The following SULT4A1 variants were observed in gnomAD, a reference collection of about 807,000 sequenced individuals.
SULT4A1 encodes sulfotransferase family 4A member 1.
Under a neutral mutation model 35.2 loss-of-function variants are expected in SULT4A1, and 11 were observed. The observed-to-expected ratio is 0.31, with a 90% confidence interval of 0.20 to 0.52. The LOEUF is 0.52. Ranked by LOEUF, SULT4A1 falls within the 20% of genes least tolerant of loss-of-function variation. The pLI, the probability that SULT4A1 is intolerant of heterozygous loss-of-function variation, is 0.97. For synonymous variants in SULT4A1, 152 were observed against 151.8 expected, an observed-to-expected ratio of 1.00 and a Z score of -0.01; for missense variants, 271 against 383.7, an observed-to-expected ratio of 0.71 and a Z score of 2.45.
chr22:43,837,126 T>C (rs1430603911), intron 4 of SULT4A1, among the ~76,000 whole-genome samples: 1 of 152,222 alleles, frequency 6.6e-6, no homozygotes, highest in Non-Finnish European at 1.5e-5. Context: ...GTTTCCACCG[T>C]CTTCAGGACA....
intron 1 of SULT4A1, among the ~76,000 whole-genome samples, chr22:43,846,840 C>T (rs948219082): frequency 6.6e-5 from 10 of 152,230 alleles, no homozygotes; most frequent in Admixed American, 4.6e-4. Flanking sequence ...CTGTGGGCAG[C>T]GTCCCTGAAA....
In SULT4A1 at chr22:43,842,055, T is replaced by G. The variant is rs1821204191; in HGVS notation, c.170-123A>C. ...AGCCCCAGGTGGGGCCCAGGGCGAC[T>G]GAGTCTGGGAAGAGGAGCGCGCCCC... On this transcript the variant is annotated intron_variant, in intron 1 of 6. Transcript: ENST00000330884. 6 of 1,423,772 alleles carry G rather than the reference T, an allele frequency of 4.2e-6. No homozygotes were observed. In the Admixed American group the frequency reaches 7.7e-5, roughly 18 times the overall value. The allele number at this position is 1,423,772 out of a possible 1,614,324, so 88.2% of individuals were successfully genotyped here.
chr22:43,861,525 T>C (rs1489679123), intron 1 of SULT4A1, among the ~76,000 whole-genome samples: 1 of 152,220 alleles, frequency 6.6e-6, no homozygotes, highest in African/African-American at 2.4e-5. Context: ...TTCCCCTCTC[T>C]GAGCCTCTGT....
intron 5 of SULT4A1, among the ~76,000 whole-genome samples, chr22:43,830,576 G>A (rs556802925): frequency 3.3e-5 from 5 of 152,368 alleles, no homozygotes; most frequent in East Asian, 3.9e-4. Flanking sequence ...GCAAGAGGCC[G>A]CACACCACGG....
chr22:43,833,427 G>A (rs1416165740), intron 5 of SULT4A1, among the ~76,000 whole-genome samples: 10 of 150,612 alleles, frequency 6.6e-5, no homozygotes, highest in Admixed American at 1.3e-4. Flanking sequence ...AGCCTCGCAC[G>A]GCATGGCTGC....
intron 1 of SULT4A1, among the ~76,000 whole-genome samples, chr22:43,854,876 C>T (rs1010380500): frequency 4.6e-5 from 7 of 152,304 alleles, no homozygotes; most frequent in East Asian, 1.9e-4. Flanking sequence ...CTCTCTAGTA[C>T]GAAAGCACAC....
At chr22:43,841,141 A>C (rs1367576927) in intron 2 of SULT4A1, among the ~76,000 whole-genome samples, 1 of 152,252 alleles carries the variant, frequency 6.6e-6, no homozygotes, top group Non-Finnish European at 1.5e-5. Context: ...CAAGGAGAGC[A>C]AAATGGCCGT....
intron 6 of SULT4A1, chr22:43,826,872 T>TA: frequency 1.0e-6 from 1 of 985,412 alleles, no homozygotes; most frequent in South Asian, 4.7e-5. Flanking sequence ...AGCCCAGGCT[T>TA]AGTCAGAAAC....
At chr22:43,845,316 G>C (rs1385719075) in intron 1 of SULT4A1, among the ~76,000 whole-genome samples, 1 of 152,104 alleles carries the variant, frequency 6.6e-6, no homozygotes, top group Non-Finnish European at 1.5e-5. Flanking sequence ...ACCAACTCCA[G>C]TACCTCACCC....
chr22:43,838,850 C>G lies in SULT4A1; in HGVS notation c.508+17G>C. ...GACGGCTCCGGTTCTAACATGCCGC[C>G]AGGCTGCAACACTCACGCTTATCAT... is the stretch of plus-strand genomic sequence containing the variant. On this transcript the variant is annotated intron_variant, in intron 4 of 6. Transcript: ENST00000330884. The G allele has an allele frequency of 1.2e-6, 2 of 1,613,688 alleles. No homozygotes were observed. The highest frequency in any genetic ancestry group is 1.7e-6 in the Non-Finnish European group (2 of 1,179,774).
chr22:43,839,137 C>CCCAGCAGCCGTGCACAT, intron 3 of SULT4A1, 144 bp from the exon 4 acceptor site: 1 of 1,120,764 alleles, frequency 8.9e-7, no homozygotes, highest in Non-Finnish European at 1.3e-6. Flanking sequence ...CCCATGTGCA[C>CCCAGCAGCCGTGCACAT]GGCTGCTGGG....
At position 43,862,438 on chromosome 22, in the gene SULT4A1, CG is replaced by C; in HGVS notation, c.-57del. Reference sequence around the variant, plus strand: ...TCCCGGCTCGCAGCCCGCACGCGCCCGCGCCCGCGCCCGCGCCCGCGCCCCG... The same window carrying C: ...TCCCGGCTCGCAGCCCGCACGCGCCCCGCCCGCGCCCGCGCCCGCGCCCCG... On this transcript the variant is annotated 5_prime_UTR_variant, in exon 1 of 7. Transcript: ENST00000330884. 2 of 885,906 alleles carry C rather than the reference CG, an allele frequency of 2.3e-6. No homozygotes were observed. Among genetic ancestry groups the C allele is most frequent in the Non-Finnish European group, 2.6e-6 (2 of 768,644 alleles). 54.9% of individuals were successfully genotyped at this position (885,906 alleles called of 1,614,324 possible).
intron 2 of SULT4A1, among the ~76,000 whole-genome samples, 167 bp from the exon 3 acceptor site, chr22:43,840,192 C>T (rs1028022576): frequency 3.9e-5 from 5 of 129,118 alleles, no homozygotes; most frequent in Non-Finnish European, 7.9e-5. Context: ...GTCAGGAGAG[C>T]GTCAGGTAAG....
chr22:43,852,597 C>T (rs75163079), intron 1 of SULT4A1, among the ~76,000 whole-genome samples: 3,311 of 152,150 alleles, frequency 0.022, 129 homozygotes, highest in African/African-American at 0.077. Flanking sequence ...TGCTCCCCAC[C>T]TCCAAAAGGA....
chr22:43,843,582 A>G (rs970276669), intron 1 of SULT4A1, among the ~76,000 whole-genome samples: 3 of 152,222 alleles, frequency 2.0e-5, no homozygotes, highest in Non-Finnish European at 2.9e-5. Flanking sequence ...GTCCAGTCCC[A>G]TTTCTACATG....
In SULT4A1 at chr22:43,834,025, C is replaced by T. The variant is rs138026362; in HGVS notation, c.509-291G>A. 1.4e-4 allele frequency among the ~76,000 whole-genome samples: 21 copies of T among 152,268 alleles called. No homozygotes were observed. The East Asian group carries it at 2.9e-3, about 21-fold the overall frequency. On this transcript the variant is annotated intron_variant, in intron 4 of 6. Coordinates refer to ENST00000330884, the MANE Select transcript of SULT4A1 (RefSeq NM_014351.4). ...CCGCAACAGTGCCCGTTACTTTATC[C>T]GCTTAACAAGTGGTCACCAGGAAGC...
chr22:43,856,690 A>T (rs1255823881), intron 1 of SULT4A1, among the ~76,000 whole-genome samples: 1 of 152,218 alleles, frequency 6.6e-6, no homozygotes, highest in African/African-American at 2.4e-5. Flanking sequence ...AAACCTCTGG[A>T]AACTCAGCCC....
chr22:43,857,743 T>C (rs991951756), intron 1 of SULT4A1, among the ~76,000 whole-genome samples: 1 of 152,114 alleles, frequency 6.6e-6, no homozygotes, highest in Non-Finnish European at 1.5e-5. Flanking sequence ...CAAGCCAACA[T>C]TTCAGCAGAA....
intron 1 of SULT4A1, among the ~76,000 whole-genome samples, chr22:43,855,532 G>C (rs1203620811): frequency 6.6e-6 from 1 of 152,150 alleles, no homozygotes; most frequent in Non-Finnish European, 1.5e-5. Context: ...GACTGGTTTA[G>C]CTTCCAGAAA....
Sources: gnomAD v4.1 joint callset for allele counts (sites outside exome capture counted in the v4.1 genomes callset) on GRCh38, gnomAD v4.1.1 for gene constraint, MANE v1.5 for transcripts, NCBI Gene and HGNC (gene_info 2026-07-23, HGNC 2026-07-21) for gene names.